LRIG3: variants seen among roughly 807,000 people sequenced by gnomAD.
LRIG3 encodes the protein leucine-rich repeats and immunoglobulin-like domains protein 3.
Under a neutral mutation model 114.5 loss-of-function variants are expected in LRIG3, and 76 were observed. The ratio of observed to expected loss-of-function variants is 0.66; its 90% CI spans 0.55 to 0.80. The LOEUF (loss-of-function observed/expected upper bound fraction) is 0.80, where lower values mean the gene tolerates loss of function less well. Among genes scored for constraint, LRIG3 ranks in the 30% least tolerant of loss-of-function variants. LRIG3 has a pLI of 0.00. For missense variants in LRIG3, 1,239 were observed against 1,382.8 expected, an observed-to-expected ratio of 0.90 and a Z score of 1.65; for synonymous variants, 512 against 519.8, an observed-to-expected ratio of 0.98 and a Z score of 0.20.
chr12:58,914,093 G>T, intron 2 of LRIG3, 37 bp from the exon 3 acceptor site: 1 of 1,578,150 alleles, frequency 6.3e-7, no homozygotes, highest in South Asian at 1.2e-5. Context: ...AAGAAAAGCT[G>T]ATTAGGTAAT....
intron 2 of LRIG3, 104 bp downstream of exon 2, chr12:58,914,161 A>G: frequency 6.6e-6 from 10 of 1,508,742 alleles, no homozygotes; most frequent in Non-Finnish European, 8.2e-6. Context: ...CCCAAGTTAA[A>G]AGTTTTGAAT....
At chr12:58,913,808 G>C in intron 3 of LRIG3, 174 bp downstream of exon 3, 1 of 570,298 alleles carries the variant, frequency 1.8e-6, no homozygotes, top group Non-Finnish European at 3.0e-6. Context: ...AAATTTAGCA[G>C]TGAGAGAGTT....
chr12:58,895,773 G>A (rs1454301398), intron 3 of LRIG3, among the ~76,000 whole-genome samples: 5 of 152,156 alleles, frequency 3.3e-5, no homozygotes, highest in African/African-American at 9.7e-5. Context: ...GGCACCAATC[G>A]GAGGCTCCTA....
At chr12:58,909,557 A>G (rs554052083) in intron 3 of LRIG3, among the ~76,000 whole-genome samples, 20 of 152,348 alleles carry the variant, frequency 1.3e-4, no homozygotes, top group African/African-American at 4.8e-4. Flanking sequence ...GTAGATACTC[A>G]AAACATTGTA....
intron 3 of LRIG3, chr12:58,913,433 A>G (rs1363263564): frequency 6.6e-6 from 1 of 152,278 alleles, no homozygotes; most frequent in South Asian, 2.1e-4. Context: ...TTGAAAACTC[A>G]TATTTGCAAA....
intron 3 of LRIG3, among the ~76,000 whole-genome samples, chr12:58,892,476 T>C (rs148737202): frequency 1.3e-5 from 2 of 152,320 alleles, no homozygotes; most frequent in East Asian, 1.9e-4. Flanking sequence ...TTCTGCATTA[T>C]TGTAACTCAT....
intron 3 of LRIG3, among the ~76,000 whole-genome samples, chr12:58,908,388 C>T (rs952102527): frequency 2.0e-5 from 3 of 152,122 alleles, no homozygotes; most frequent in African/African-American, 7.2e-5. Flanking sequence ...CAAAGTAGTT[C>T]AGAAATGTGA....
chr12:58,879,518 C>T (rs936391341), intron 13 of LRIG3, among the ~76,000 whole-genome samples: 7 of 152,084 alleles, frequency 4.6e-5, no homozygotes, highest in Admixed American at 3.9e-4. Flanking sequence ...TTTTAAGATA[C>T]ATGTTTTGCC....
rs76061330 is a variant in LRIG3, at chr12:58,895,758, G to A, written c.384-4962C>T. On this transcript the variant is annotated intron_variant, in intron 3 of 18. Transcript: ENST00000320743. ...TGGGAGGAAGAGGGCATGACCAGGC[G>A]CAAGGGCACCAATCGGAGGCTCCTA... Among the ~76,000 whole-genome samples, 328 of 152,276 alleles carry A rather than the reference G, an allele frequency of 2.2e-3. 2 individuals are homozygous for A. The highest frequency in any genetic ancestry group is 7.5e-3 in the African/African-American group (313 of 41,568).
rs1870828161 is a variant in LRIG3 at position 58,874,139 on chromosome 12, T to C, written c.3031A>G (p.Lys1011Glu). 1 of 1,614,224 alleles carries C rather than the reference T, an allele frequency of 6.2e-7. No individual in the cohort carries two copies. The highest frequency in any genetic ancestry group is 8.5e-7 in the Non-Finnish European group (1 of 1,180,032). The change falls in exon 18 of 19, where the codon AAA becomes GAA. Residue 1011 changes from lysine (K) to glutamate (E), a missense_variant. Lys to Glu is a moderately conservative substitution (Grantham distance 56, BLOSUM62 1). Coordinates refer to ENST00000320743, the MANE Select transcript of LRIG3 (RefSeq NM_153377.5). ...SYSHNEGPGM[K>E]NLCLNKSSLD... ...GAGGACTTGTTTAGACACAGATTTT[T>C]CATTCCAGGTCCTTCATTGTGAGAG...
chr12:58,877,400 C>T lies in LRIG3; in HGVS notation c.2536G>A (p.Asp846Asn). The T allele has an allele frequency of 6.2e-7, 1 of 1,613,336 alleles. No individual in the cohort carries two copies. Among genetic ancestry groups the T allele is most frequent in the Non-Finnish European group, 8.5e-7 (1 of 1,179,420 alleles). Residue 846 changes from aspartate to asparagine, a missense_variant and splice_region_variant, in exon 15 of 19, where the codon GAT (aspartate) becomes AAT (asparagine). Physicochemically the swap from Asp to Asn is conservative, Grantham distance 23. Transcript: ENST00000320743. Reference sequence around the variant, plus strand: ...CTGTGCCAAGCTTCTGTTTACACACCTGTGTTGGTAATGCTGCAATCTTCA... The same window carrying T: ...CTGTGCCAAGCTTCTGTTTACACACTTGTGTTGGTAATGCTGCAATCTTCA... ...RNEDCSITNT[D>N]ETNLPADIPS...
intron 13 of LRIG3, among the ~76,000 whole-genome samples, chr12:58,879,828 A>G (rs1871058468): frequency 6.6e-6 from 1 of 152,224 alleles, no homozygotes; most frequent in African/African-American, 2.4e-5. Context: ...GGCAGGTCCT[A>G]TTATCCCTAA....
At chr12:58,913,950 A>G in intron 3 of LRIG3, 32 bp downstream of exon 3, 1 of 1,576,930 alleles carries the variant, frequency 6.3e-7, no homozygotes. Context: ...TCCTGCAAAC[A>G]TACATGAGGA....
intron 8 of LRIG3, 185 bp from the exon 9 acceptor site, chr12:58,887,075 A>T (rs1871301184): frequency 1.9e-6 from 1 of 518,638 alleles, no homozygotes; most frequent in African/African-American, 2.0e-5. Context: ...TCCCTCAACA[A>T]CATTTTAAGT....
At chr12:58,883,117 G>A in intron 11 of LRIG3, 85 bp from the exon 12 acceptor site, 1 of 1,368,338 alleles carries the variant, frequency 7.3e-7, no homozygotes, top group Non-Finnish European at 9.9e-7. Flanking sequence ...TATTAACAAA[G>A]CAATGAATTT....
chr12:58,914,014 T>C lies in LRIG3; in HGVS notation c.351A>G (p.Gly117=), dbSNP rs1382773741. 1 of 1,612,126 alleles carries C rather than the reference T, an allele frequency of 6.2e-7. No homozygotes were observed. Among genetic ancestry groups the C allele is most frequent in the South Asian group, 1.1e-5 (1 of 90,566 alleles). ...GAAGTGTAATATTTGCCGAGACTGG[T>C]CCCAGATTTGGAATGGTCTCCAATT... ...NNELETIPNL[G]PVSANITLLS... Residue 117 remains glycine, a synonymous_variant, in exon 3 of 19, where the codon GGA becomes GGG. Coordinates refer to ENST00000320743, the MANE Select transcript of LRIG3 (RefSeq NM_153377.5).
At chr12:58,875,359 T>C (rs1229166857) in intron 16 of LRIG3, among the ~76,000 whole-genome samples, 4 of 152,236 alleles carry the variant, frequency 2.6e-5, no homozygotes, top group African/African-American at 9.6e-5. Flanking sequence ...GCTCAGATCC[T>C]GTAACTCTAC....
rs988313379 is a variant in LRIG3, at chr12:58,920,479, G to C, written c.-244C>G. 15 of 378,074 alleles carry C rather than the reference G, an allele frequency of 4.0e-5. No individual in the cohort carries two copies. The highest frequency in any genetic ancestry group is 3.7e-4 in the Admixed American group (8 of 21,762). 23.4% of individuals were successfully genotyped at this position (378,074 alleles called of 1,614,324 possible). On this transcript the variant is annotated 5_prime_UTR_variant, in exon 1 of 19. Coordinates refer to ENST00000320743, the MANE Select transcript of LRIG3 (RefSeq NM_153377.5). ...CAGAGTTGCAGCTTGAGCAGCGTCG[G>C]CTCGCCGAAGCCCCTTCTTGTCTGC...
intron 6 of LRIG3, 103 bp from the exon 7 acceptor site, chr12:58,888,575 A>C: frequency 6.9e-7 from 1 of 1,451,918 alleles, no homozygotes; most frequent in African/African-American, 1.4e-5. Flanking sequence ...TATTGTTATT[A>C]GATGTTTAGC....
Sources: gnomAD v4.1 joint callset for allele counts (sites outside exome capture counted in the v4.1 genomes callset) on GRCh38, gnomAD v4.1.1 for gene constraint, MANE v1.5 for transcripts, NCBI Gene and HGNC (gene_info 2026-07-23, HGNC 2026-07-21) for gene names.